Variants in RALGAPA2 observed in about 807,000 individuals in gnomAD.
RALGAPA2 encodes Ral GTPase activating protein catalytic subunit alpha 2.
A neutral mutation model predicts 230.4 loss-of-function variants in RALGAPA2; 139 were observed. The observed-to-expected ratio is 0.60, with a 90% CI of 0.53 to 0.69. The LOEUF is 0.69. Among genes scored for constraint, RALGAPA2 ranks in the 30% least tolerant of loss-of-function variants. The pLI, the probability that RALGAPA2 is intolerant of heterozygous loss-of-function variation, is 0.00. For synonymous variants in RALGAPA2, 847 were observed against 837.8 expected (o/e 1.01, Z -0.19); for missense variants, 2,163 against 2,276.0 (o/e 0.95, Z 1.01).
chr20:20,498,560 T>C (rs141414904), intron 35 of RALGAPA2, among the ~76,000 whole-genome samples: 120 of 152,296 alleles, frequency 7.9e-4, no homozygotes, highest in Non-Finnish European at 1.1e-3. Flanking sequence ...GTCTGTTTGA[T>C]TGAAGAATTC....
chr20:20,410,792 T>G (rs541848990), intron 38 of RALGAPA2, among the ~76,000 whole-genome samples: 1 of 152,292 alleles, frequency 6.6e-6, no homozygotes, highest in South Asian at 2.1e-4. Context: ...CAAAGATCAA[T>G]AGAGGCCATC....
chr20:20,496,480 C>A (rs1310153805), intron 35 of RALGAPA2, among the ~76,000 whole-genome samples: 1 of 152,178 alleles, frequency 6.6e-6, no homozygotes, highest in Non-Finnish European at 1.5e-5. Flanking sequence ...CTGACATCTT[C>A]TGGGAATTTG....
At chr20:20,430,252 C>T (rs548267462) in intron 37 of RALGAPA2, among the ~76,000 whole-genome samples, 7 of 152,336 alleles carry the variant, frequency 4.6e-5, no homozygotes, top group East Asian at 1.9e-4. Flanking sequence ...AAAACAGCAA[C>T]GTGGAGTAGA....
chr20:20,489,829 C>T (rs746051546), intron 36 of RALGAPA2, among the ~76,000 whole-genome samples: 10 of 152,180 alleles, frequency 6.6e-5, no homozygotes, highest in Non-Finnish European at 1.3e-4. Flanking sequence ...AGCCAAAAGG[C>T]CCTTCCTACT....
chr20:20,691,847 G>T (rs2068924146), intron 1 of RALGAPA2, among the ~76,000 whole-genome samples: 1 of 152,158 alleles, frequency 6.6e-6, no homozygotes, highest in Non-Finnish European at 1.5e-5. Context: ...GTTGAAATCT[G>T]ATCCCCAGTA....
chr20:20,396,835 C>T (rs1248364747), intron 38 of RALGAPA2, 101 bp from the exon 39 acceptor site: 17 of 1,017,504 alleles, frequency 1.7e-5, no homozygotes, highest in Non-Finnish European at 2.4e-5. Context: ...TATCCCTGAG[C>T]TGCCCAAGCA....
chr20:20,632,265 C>T (rs942114386), intron 9 of RALGAPA2, among the ~76,000 whole-genome samples: 1 of 151,964 alleles, frequency 6.6e-6, no homozygotes, highest in Non-Finnish European at 1.5e-5. Flanking sequence ...CTCCTGACCT[C>T]GTGATCCGCC....
chr20:20,548,136 C>G (rs2063824572), intron 23 of RALGAPA2, among the ~76,000 whole-genome samples: 1 of 152,152 alleles, frequency 6.6e-6, no homozygotes, highest in South Asian at 2.1e-4. Flanking sequence ...CACACACACA[C>G]ACACACACAC....
At chr20:20,707,596 T>G (rs896278026) in intron 1 of RALGAPA2, among the ~76,000 whole-genome samples, 3 of 152,186 alleles carry the variant, frequency 2.0e-5, no homozygotes, top group Admixed American at 2.0e-4. Context: ...TAGAGCAACA[T>G]GAGCAACATA....
chr20:20,495,421 G>C (rs2062177776), intron 35 of RALGAPA2, 146 bp from the exon 36 acceptor site: 2 of 616,046 alleles, frequency 3.2e-6, no homozygotes, highest in Non-Finnish European at 5.1e-6. Flanking sequence ...CTTCTGTGAG[G>C]ATTTTAAAAA....
intron 37 of RALGAPA2, among the ~76,000 whole-genome samples, chr20:20,432,594 T>C (rs2060523778): frequency 6.6e-6 from 1 of 152,198 alleles, no homozygotes; most frequent in African/African-American, 2.4e-5. Context: ...TTAGAACATC[T>C]TGATGTAAAG....
intron 36 of RALGAPA2, among the ~76,000 whole-genome samples, chr20:20,477,863 T>A: frequency 6.6e-6 from 1 of 152,290 alleles, no homozygotes; most frequent in East Asian, 1.9e-4. Context: ...GCTGGGATAA[T>A]AGGCATGAGC....
intron 7 of RALGAPA2, among the ~76,000 whole-genome samples, chr20:20,638,685 C>G (rs775399648): frequency 1.1e-3 from 166 of 152,128 alleles, no homozygotes; most frequent in Non-Finnish European, 1.7e-3. Flanking sequence ...CACTTCTGAA[C>G]AGCTGGCATT....
intron 1 of RALGAPA2, among the ~76,000 whole-genome samples, chr20:20,692,613 ACC>A: frequency 6.6e-6 from 1 of 152,346 alleles, no homozygotes; most frequent in East Asian, 1.9e-4. Context: ...CAAGCCTGTG[ACC>A]CAATGCTGAT....
At chr20:20,593,582 CT>C (rs1175397571) in intron 16 of RALGAPA2, among the ~76,000 whole-genome samples, 2 of 152,234 alleles carry the variant, frequency 1.3e-5, no homozygotes, top group Non-Finnish European at 2.9e-5. Flanking sequence ...GTTAATGAAT[CT>C]ACTGGTTAAT....
intron 38 of RALGAPA2, among the ~76,000 whole-genome samples, chr20:20,404,352 T>C (rs1437275884): frequency 4.6e-5 from 7 of 152,206 alleles, no homozygotes; most frequent in Non-Finnish European, 8.8e-5. Flanking sequence ...TATATCTTCC[T>C]GGAAAAGGGT....
chr20:20,532,886 C>T (rs1474431224), intron 26 of RALGAPA2, among the ~76,000 whole-genome samples: 1 of 152,068 alleles, frequency 6.6e-6, no homozygotes, highest in East Asian at 1.9e-4. Flanking sequence ...TTCTGAGGAA[C>T]ATGCACTATT....
intron 30 of RALGAPA2, 149 bp from the exon 31 acceptor site, chr20:20,521,249 T>C: frequency 1.7e-6 from 1 of 575,898 alleles, no homozygotes; most frequent in Non-Finnish European, 2.9e-6. Context: ...CTTCTTGCTA[T>C]TAGCAAATTT....
intron 10 of RALGAPA2, among the ~76,000 whole-genome samples, chr20:20,623,637 C>T (rs1352319512): frequency 1.3e-5 from 2 of 152,146 alleles, no homozygotes; most frequent in Non-Finnish European, 2.9e-5. Flanking sequence ...CCTCTCACAG[C>T]TCTCACCTCT....
Sources: allele counts gnomAD v4.1 joint callset (sites outside exome capture counted in the v4.1 genomes callset), GRCh38; gene constraint gnomAD v4.1.1; transcripts MANE v1.5; gene names NCBI Gene and HGNC (gene_info 2026-07-23, HGNC 2026-07-21).